The following MALRD1 variants were observed in gnomAD, a reference collection of about 807,000 sequenced individuals.
MALRD1 encodes the protein MAM and LDL-receptor class A domain-containing protein 1.
In MALRD1, 247 loss-of-function variants were observed where a neutral mutation model predicts 242.1. That is an observed-to-expected ratio of 1.02 (90% confidence interval 0.92 to 1.13). The LOEUF is 1.13. MALRD1 is among the 50% of genes most tolerant of loss of function. The pLI, the probability that MALRD1 is intolerant of heterozygous loss-of-function variation, is 0.00. For synonymous variants in MALRD1, 995 were observed against 866.6 expected (o/e 1.15, Z -2.60); for missense variants, 2,989 against 2,533.1 (o/e 1.18, Z -3.86).
intron 21 of MALRD1, among the ~76,000 whole-genome samples, chr10:19,291,767 C>T (rs950030236): frequency 2.6e-5 from 4 of 151,224 alleles, no homozygotes; most frequent in South Asian, 2.1e-4. Context: ...AGAAAAATTG[C>T]TCTAAGGTCC....
intron 1 of MALRD1, among the ~76,000 whole-genome samples, chr10:19,050,046 C>CTATTATTG (rs1469336162): frequency 1.4e-5 from 2 of 145,798 alleles, no homozygotes; most frequent in Non-Finnish European, 3.0e-5. Context: ...GGCACGAATT[C>CTATTATTG]TATTATTGTA....
chr10:19,551,638 G>A (rs138075847), intron 32 of MALRD1, among the ~76,000 whole-genome samples: 2 of 152,084 alleles, frequency 1.3e-5, no homozygotes, highest in African/African-American at 4.8e-5. Flanking sequence ...TTTGAGTACT[G>A]TGTTGAATAG....
chr10:19,496,201 C>G (rs1336940987), intron 30 of MALRD1, among the ~76,000 whole-genome samples: 1 of 152,122 alleles, frequency 6.6e-6, no homozygotes, highest in Non-Finnish European at 1.5e-5. Flanking sequence ...GACCTGAACT[C>G]AACACTTGAC....
At chr10:19,194,512 T>C (rs550617366) in intron 14 of MALRD1, among the ~76,000 whole-genome samples, 1 of 152,256 alleles carries the variant, frequency 6.6e-6, no homozygotes, top group East Asian at 1.9e-4. Context: ...AATGACACTG[T>C]CAGTCTATTA....
chr10:19,238,729 G>A (rs959828357), intron 18 of MALRD1, among the ~76,000 whole-genome samples: 1 of 149,184 alleles, frequency 6.7e-6, no homozygotes, highest in African/African-American at 2.5e-5. Flanking sequence ...ACCCAGTAGT[G>A]GGATTGCTGG....
chr10:19,332,451 T>C (rs1843418888), intron 24 of MALRD1, among the ~76,000 whole-genome samples: 1 of 152,190 alleles, frequency 6.6e-6, no homozygotes, highest in Non-Finnish European at 1.5e-5. Flanking sequence ...TATCCTTAGC[T>C]AAATGCACCA....
chr10:19,348,792 A>G (rs1436549846), intron 25 of MALRD1, among the ~76,000 whole-genome samples: 1 of 152,206 alleles, frequency 6.6e-6, no homozygotes, highest in Non-Finnish European at 1.5e-5. Context: ...TTAAGTGTTC[A>G]GAGATCACAA....
chr10:19,497,166 A>G (rs73595819), intron 30 of MALRD1, among the ~76,000 whole-genome samples: 5,571 of 152,056 alleles, frequency 0.037, 353 homozygotes, highest in African/African-American at 0.13. Flanking sequence ...TGTGCAGGTG[A>G]CATCATTCTA....
chr10:19,056,487 G>A (rs1027580773), intron 1 of MALRD1, among the ~76,000 whole-genome samples: 1 of 150,970 alleles, frequency 6.6e-6, no homozygotes, highest in African/African-American at 2.4e-5. Flanking sequence ...TTTTTTGGAT[G>A]GTTTCTTATT....
At chr10:19,210,055 T>C (rs1361408174) in intron 18 of MALRD1, among the ~76,000 whole-genome samples, 1 of 152,200 alleles carries the variant, frequency 6.6e-6, no homozygotes, top group East Asian at 1.9e-4. Flanking sequence ...TTTCATTTTA[T>C]TTTTATTATT....
intron 21 of MALRD1, among the ~76,000 whole-genome samples, chr10:19,319,116 A>G (rs565493510): frequency 6.6e-6 from 1 of 152,010 alleles, no homozygotes; most frequent in Non-Finnish European, 1.5e-5. Flanking sequence ...TTTACATCAT[A>G]TTGATTTTTA....
At chr10:19,699,877 C>T (rs1487294290) in intron 38 of MALRD1, among the ~76,000 whole-genome samples, 1 of 152,112 alleles carries the variant, frequency 6.6e-6, no homozygotes, top group Non-Finnish European at 1.5e-5. Context: ...ATGACACAAA[C>T]ACCTCCCACC....
intron 33 of MALRD1, among the ~76,000 whole-genome samples, chr10:19,576,222 A>C (rs1036914538): frequency 3.3e-5 from 5 of 152,188 alleles, no homozygotes; most frequent in Non-Finnish European, 7.4e-5. Flanking sequence ...CACTATGAAT[A>C]ATCTCGAATA....
At chr10:19,088,456 C>T in intron 4 of MALRD1, among the ~76,000 whole-genome samples, 1 of 150,556 alleles carries the variant, frequency 6.6e-6, no homozygotes, top group Non-Finnish European at 1.5e-5. Flanking sequence ...AAAATATAAC[C>T]TTTTAATTTT....
chr10:19,249,262 G>A (rs1345970406), intron 18 of MALRD1, among the ~76,000 whole-genome samples: 2 of 151,728 alleles, frequency 1.3e-5, no homozygotes, highest in East Asian at 1.9e-4. Context: ...TGGCAAAACT[G>A]TATAAATGTA....
chr10:19,530,820 T>C (rs1834379980), intron 31 of MALRD1, among the ~76,000 whole-genome samples: 1 of 152,088 alleles, frequency 6.6e-6, no homozygotes, highest in Non-Finnish European at 1.5e-5. Flanking sequence ...GAAAATAAGA[T>C]ACAATACCAG....
intron 29 of MALRD1, among the ~76,000 whole-genome samples, chr10:19,457,287 C>G (rs1564359403): frequency 6.6e-6 from 1 of 152,160 alleles, no homozygotes; most frequent in Non-Finnish European, 1.5e-5. Flanking sequence ...CTTGACATAT[C>G]TGTCAAGCAG....
intron 14 of MALRD1, among the ~76,000 whole-genome samples, chr10:19,188,112 G>T (rs1039439300): frequency 1.2e-4 from 19 of 152,148 alleles, no homozygotes; most frequent in African/African-American, 4.1e-4. Context: ...TTTTAAATGA[G>T]ACTGGGAGCA....
rs999444292 is a variant in MALRD1 at position 19,579,213 on chromosome 10, G to A, written c.5680+11510G>A. ...TTTGATTGCATCATAAAGTAGTTGA[G>A]ATATTGCACCTGGAAGGTCTCTAAT... is the stretch of plus-strand genomic sequence containing the variant. On this transcript the variant is annotated intron_variant, in intron 33 of 39. Transcript: ENST00000454679. 4.6e-5 allele frequency among the ~76,000 whole-genome samples: 7 copies of A among 152,112 alleles called. No homozygotes were observed. In the South Asian group the frequency reaches 8.3e-4, roughly 18 times the overall value.
Sources: allele counts gnomAD v4.1 joint callset (sites outside exome capture counted in the v4.1 genomes callset), GRCh38; gene constraint gnomAD v4.1.1; transcripts MANE v1.5; gene names NCBI Gene and HGNC (gene_info 2026-07-23, HGNC 2026-07-21).